DNM3: variants seen among roughly 807,000 people sequenced by gnomAD.
The protein encoded by DNM3 is dynamin 3.
In DNM3, 47 loss-of-function variants were observed where a neutral mutation model predicts 101.6. The ratio of observed to expected loss-of-function variants is 0.46; its 90% CI spans 0.37 to 0.59. DNM3 has a LOEUF of 0.59. Ranked by LOEUF, DNM3 falls within the 20% of genes least tolerant of loss-of-function variation. The pLI, the probability that DNM3 is intolerant of heterozygous loss-of-function variation, is 0.00. For missense variants in DNM3, 849 were observed against 1,085.7 expected, an observed-to-expected ratio of 0.78 and a Z score of 3.06; for synonymous variants, 385 against 387.9, an observed-to-expected ratio of 0.99 and a Z score of 0.09.
chr1:171,995,684 C>T (rs2045951112), intron 4 of DNM3, among the ~76,000 whole-genome samples: 1 of 152,110 alleles, frequency 6.6e-6, no homozygotes, highest in Admixed American at 6.5e-5. Context: ...ATCTGTTACC[C>T]TGTTGGTCTT....
chr1:172,019,760 C>G (rs55780414), intron 4 of DNM3, among the ~76,000 whole-genome samples: 33,810 of 151,848 alleles, frequency 0.22, 4,403 homozygotes, highest in East Asian at 0.44. Context: ...GTCAAATGAA[C>G]CCAATCAAAG....
At chr1:172,023,515 G>C (rs775705667) in intron 4 of DNM3, among the ~76,000 whole-genome samples, 1 of 152,222 alleles carries the variant, frequency 6.6e-6, no homozygotes, top group South Asian at 2.1e-4. Flanking sequence ...CTGCTAGGAA[G>C]ACTGATGCTA....
chr1:172,186,121 A>C (rs968892209), intron 14 of DNM3, among the ~76,000 whole-genome samples: 1 of 152,130 alleles, frequency 6.6e-6, no homozygotes, highest in Non-Finnish European at 1.5e-5. Context: ...TCCTGGGAAG[A>C]CATTCCAGAG....
At chr1:172,381,513 T>C (rs887455391) in intron 18 of DNM3, among the ~76,000 whole-genome samples, 9 of 150,406 alleles carry the variant, frequency 6.0e-5, no homozygotes, top group African/African-American at 2.2e-4. Flanking sequence ...TATTTTAAAA[T>C]TATATATGTA....
At chr1:172,103,455 T>C (rs946846725) in intron 13 of DNM3, among the ~76,000 whole-genome samples, 3 of 152,190 alleles carry the variant, frequency 2.0e-5, no homozygotes, top group Non-Finnish European at 4.4e-5. Context: ...AGACATAAAA[T>C]GACAAAACTT....
At chr1:172,399,495 G>C (rs1447399029) in intron 20 of DNM3, among the ~76,000 whole-genome samples, 1 of 152,172 alleles carries the variant, frequency 6.6e-6, no homozygotes, top group Non-Finnish European at 1.5e-5. Context: ...GCTCGTGGAA[G>C]GGAGGAAATG....
At chr1:172,412,818 A>AGAGT (rs2071285384), downstream of DNM3, 1 of 875,130 alleles carries the variant, frequency 1.1e-6, no homozygotes, top group Admixed American at 6.2e-5. Context: ...AAATTGTCCC[A>AGAGT]GAGTTACCAA....
intron 2 of DNM3, among the ~76,000 whole-genome samples, chr1:171,972,623 G>A (rs2044079454): frequency 6.6e-6 from 1 of 152,192 alleles, no homozygotes; most frequent in Non-Finnish European, 1.5e-5. Flanking sequence ...GCCGAGGTGG[G>A]CGGATCACCT....
At chr1:172,096,012 C>T (rs183294590) in intron 13 of DNM3, among the ~76,000 whole-genome samples, 5 of 152,138 alleles carry the variant, frequency 3.3e-5, no homozygotes, top group Non-Finnish European at 5.9e-5. Context: ...TCACAGGCCT[C>T]ACCCTCAGGA....
At chr1:172,001,002 G>C (rs1301663156) in intron 4 of DNM3, among the ~76,000 whole-genome samples, 1 of 152,048 alleles carries the variant, frequency 6.6e-6, no homozygotes, top group African/African-American at 2.4e-5. Flanking sequence ...ATAAATGCAG[G>C]AGAATGGGAT....
intron 4 of DNM3, among the ~76,000 whole-genome samples, chr1:172,023,456 C>T (rs978591623): frequency 1.3e-5 from 2 of 152,000 alleles, no homozygotes; most frequent in Admixed American, 1.3e-4. Context: ...ATGATTTTTC[C>T]CTCAGAATTT....
chr1:171,965,380 A>C (rs1169626909), intron 2 of DNM3, among the ~76,000 whole-genome samples: 1 of 140,888 alleles, frequency 7.1e-6, no homozygotes, highest in South Asian at 2.2e-4. Context: ...CTGTGTCTAC[A>C]AAAAAAAAAA....
chr1:171,998,202 A>C (rs748754542), intron 4 of DNM3, among the ~76,000 whole-genome samples: 1 of 151,614 alleles, frequency 6.6e-6, no homozygotes, highest in African/African-American at 2.4e-5. Context: ...TCATGAACAC[A>C]TGTTAGACTT....
At chr1:172,205,260 A>G (rs953521520) in intron 14 of DNM3, among the ~76,000 whole-genome samples, 1 of 152,012 alleles carries the variant, frequency 6.6e-6, no homozygotes, top group Non-Finnish European at 1.5e-5. Context: ...CTCCTTGGAG[A>G]AGCCTATTCC....
chr1:172,158,567 G>A (rs1363217390), intron 14 of DNM3, among the ~76,000 whole-genome samples: 1 of 151,970 alleles, frequency 6.6e-6, no homozygotes, highest in Non-Finnish European at 1.5e-5. Context: ...ATGGATGATG[G>A]AGGCCTTGAA....
intron 1 of DNM3, among the ~76,000 whole-genome samples, chr1:171,876,417 C>T (rs2035789498): frequency 1.3e-5 from 2 of 152,000 alleles, no homozygotes; most frequent in Non-Finnish European, 2.9e-5. Context: ...TCTGGCATAT[C>T]ATTCCTGTCT....
chr1:172,026,741 G>A (rs141600948), intron 4 of DNM3, among the ~76,000 whole-genome samples: 4,595 of 151,560 alleles, frequency 0.03, 133 homozygotes, highest in East Asian at 0.16. Flanking sequence ...TGCAAGCTCC[G>A]CCTCCGGGTT....
At chr1:172,348,854 G>C (rs528717536) in intron 17 of DNM3, among the ~76,000 whole-genome samples, 1 of 152,242 alleles carries the variant, frequency 6.6e-6, no homozygotes, top group South Asian at 2.1e-4. Flanking sequence ...AAAGACTAAG[G>C]CTTGGAGAGA....
chr1:171,901,996 G>A (rs2038401467), intron 1 of DNM3, among the ~76,000 whole-genome samples: 1 of 152,100 alleles, frequency 6.6e-6, no homozygotes, highest in Admixed American at 6.5e-5. Flanking sequence ...AGCTATATTA[G>A]TTCAAGTTTA....
Sources: gnomAD v4.1 joint callset for allele counts (sites outside exome capture counted in the v4.1 genomes callset) on GRCh38, gnomAD v4.1.1 for gene constraint, MANE v1.5 for transcripts, NCBI Gene and HGNC (gene_info 2026-07-23, HGNC 2026-07-21) for gene names.